The following COL3A1 variants were observed in gnomAD, a reference collection of about 807,000 sequenced individuals.
The protein encoded by COL3A1 is collagen type III alpha 1 chain.
A neutral mutation model predicts 200.9 loss-of-function variants in COL3A1; 46 were observed. That is an observed-to-expected ratio of 0.23 (90% CI 0.18 to 0.29). The LOEUF (loss-of-function observed/expected upper bound fraction) is 0.29, where lower values mean the gene tolerates loss of function less well. Ranked by LOEUF, COL3A1 falls within the 10% of genes least tolerant of loss-of-function variation. The pLI is 1.00. For synonymous variants in COL3A1, 650 were observed against 628.0 expected, an observed-to-expected ratio of 1.03 and a Z score of -0.52; for missense variants, 1,367 against 1,917.6, an observed-to-expected ratio of 0.71 and a Z score of 5.36.
chr2:188,990,277 CA>C lies in COL3A1; in HGVS notation c.745-29del, dbSNP rs777011083. ...TAGATTGTGATTCTATTTGAAGGTT[CA>C]TTAATATTTTTTCATTCATTATTTT... On this transcript the variant is annotated intron_variant, in intron 9 of 50. Transcript: ENST00000304636. The C allele has an allele frequency of 3.3e-5, 53 of 1,603,282 alleles. No homozygotes were observed. The African/African-American group carries it at 6.2e-4, about 19-fold the overall frequency.
chr2:188,975,045 G>T (rs1017152910), intron 1 of COL3A1, among the ~76,000 whole-genome samples: 2 of 152,062 alleles, frequency 1.3e-5, no homozygotes. Flanking sequence ...AAGATTCTAC[G>T]CATTATCAGA....
rs750374922 is a variant in COL3A1, at chr2:188,979,270, A to G, written c.79+4702A>G. ...CATTTCTCAAGTAAATTAAAATCAC[A>G]GAAATACTCTTTGGAGTTGCATAGC... On this transcript the variant is annotated intron_variant, in intron 1 of 50. Transcript: ENST00000304636. Among the ~76,000 whole-genome samples, 8 of 152,088 alleles carry G rather than the reference A, an allele frequency of 5.3e-5. No homozygotes were observed. The South Asian group carries it at 1.7e-3, about 31-fold the overall frequency.
intron 48 of COL3A1, 71 bp downstream of exon 48, chr2:189,009,292 C>T (rs926931607): frequency 2.6e-5 from 40 of 1,544,516 alleles, no homozygotes; most frequent in Admixed American, 3.6e-5. Context: ...AGAATGGGAA[C>T]GAAAAAACAT....
intron 48 of COL3A1, among the ~76,000 whole-genome samples, chr2:189,009,721 A>C (rs1688677718): frequency 6.6e-6 from 1 of 152,218 alleles, no homozygotes; most frequent in Non-Finnish European, 1.5e-5. Flanking sequence ...CAAGTTTTCA[A>C]ATATCTTGAC....
At chr2:189,008,464 G>C (rs1010497862) in intron 47 of COL3A1, 3 of 426,160 alleles carry the variant, frequency 7.0e-6, no homozygotes, top group African/African-American at 6.0e-5. Context: ...AATTATCTGC[G>C]TTTATGTAGT....
chr2:189,001,571 T>C lies in COL3A1; in HGVS notation c.2373T>C (p.Ala791=), dbSNP rs200452382. 1.9e-6 allele frequency: 3 copies of C among 1,614,114 alleles called. No individual in the cohort carries two copies. The highest frequency in any genetic ancestry group is 2.5e-6 in the Non-Finnish European group (3 of 1,180,004). The change falls in exon 34 of 51, where the codon GCT becomes GCC. Residue 791 remains alanine (A), a synonymous_variant. Transcript: ENST00000304636. ...GTGCCCCCGGACTTCCAGGTATAGC[T>C]GGACCTCGTGGTAGCCCTGTAAGTG... The part of the protein sequence containing the change: ...EGGAPGLPGI[A]GPRGSPGERG...
chr2:188,989,230 T>C (rs1369994810), intron 7 of COL3A1, among the ~76,000 whole-genome samples, 166 bp from the exon 8 acceptor site: 3 of 151,804 alleles, frequency 2.0e-5, no homozygotes, highest in Non-Finnish European at 2.9e-5. Flanking sequence ...AGTAAGTTGA[T>C]ATAATAGAGG....
intron 28 of COL3A1, 34 bp downstream of exon 28, chr2:188,998,353 C>G (rs1414745884): frequency 9.5e-6 from 15 of 1,573,676 alleles, no homozygotes; most frequent in African/African-American, 2.7e-5. Context: ...AACTCAGAAA[C>G]AAAAAGAATA....
intron 40 of COL3A1, 111 bp from the exon 41 acceptor site, chr2:189,005,239 A>G (rs555081123): frequency 7.0e-6 from 7 of 1,006,544 alleles, no homozygotes; most frequent in African/African-American, 6.5e-5. Flanking sequence ...TTAAAATTCA[A>G]TGAAGATTAA....
intron 6 of COL3A1, 41 bp from the exon 7 acceptor site, chr2:188,988,549 A>C: frequency 1.5e-6 from 2 of 1,361,254 alleles, no homozygotes; most frequent in Non-Finnish European, 2.1e-6. Context: ...TTATATGAAG[A>C]TTTTGTTACT....
intron 31 of COL3A1, 91 bp downstream of exon 31, chr2:188,999,668 T>C (rs1688411745): frequency 1.4e-6 from 2 of 1,451,226 alleles, no homozygotes; most frequent in Admixed American, 3.8e-5. Flanking sequence ...CGACTGTATT[T>C]TCAAAATTAA....
intron 4 of COL3A1, among the ~76,000 whole-genome samples, chr2:188,986,571 T>C (rs1688069356): frequency 6.6e-6 from 1 of 152,060 alleles, no homozygotes; most frequent in African/African-American, 2.4e-5. Context: ...TCTATGGAGA[T>C]GTTTATTTTT....
intron 41 of COL3A1, among the ~76,000 whole-genome samples, chr2:189,005,995 A>T (rs557232634): frequency 1.3e-5 from 2 of 152,184 alleles, no homozygotes; most frequent in East Asian, 3.9e-4. Context: ...TCATTTTTCT[A>T]ATCACCTCTC....
chr2:189,007,483 A>C lies in COL3A1; in HGVS notation c.3256-17A>C, dbSNP rs1265276719. 1 of 1,601,268 alleles carries C rather than the reference A, an allele frequency of 6.2e-7. No individual in the cohort carries two copies. Among genetic ancestry groups the C allele is most frequent in the African/African-American group, 1.3e-5 (1 of 74,508 alleles). On this transcript the variant is annotated splice_polypyrimidine_tract_variant and intron_variant, in intron 44 of 50. Transcript: ENST00000304636. Reference sequence around the variant, plus strand: ...GTATGTGTGTATATGACTTCAATTCAAAATATGTTTCTAAAGGGTCCTCAA... The same window carrying C: ...GTATGTGTGTATATGACTTCAATTCCAAATATGTTTCTAAAGGGTCCTCAA...
At chr2:188,987,999 T>C (rs113768611) in intron 5 of COL3A1, 82 bp from the exon 6 acceptor site, 41 of 1,032,738 alleles carry the variant, frequency 4.0e-5, no homozygotes, top group Non-Finnish European at 6.0e-5. Context: ...GTTTTAACAA[T>C]GCGAGTGTCA....
chr2:188,997,753 A>G lies in COL3A1; in HGVS notation c.1923A>G (p.Gln641=), dbSNP rs1366363295. 1 of 1,613,802 alleles carries G rather than the reference A, an allele frequency of 6.2e-7. No homozygotes were observed. Among genetic ancestry groups the G allele is most frequent in the South Asian group, 1.1e-5 (1 of 91,066 alleles). Residue 641 remains glutamine (Q), a splice_region_variant and synonymous_variant, in exon 27 of 51, where the codon CAA becomes CAG. Transcript: ENST00000304636. Reference sequence around the variant, plus strand: ...GACCCCCTGGTCCACAAGGATTACAAGTAAGAACTTGTTATTTAAATGTCA... The same window carrying G: ...GACCCCCTGGTCCACAAGGATTACAGGTAAGAACTTGTTATTTAAATGTCA... ...DTGPPGPQGL[Q]GLPGTGGPPG... is the part of the protein sequence containing the mutation.
intron 30 of COL3A1, 25 bp downstream of exon 30, chr2:188,999,408 C>T (rs1281136230): frequency 3.7e-6 from 6 of 1,613,712 alleles, no homozygotes; most frequent in Non-Finnish European, 5.1e-6. Flanking sequence ...TTCCATTCAC[C>T]TAGGTTTAAA....
Position 188,994,541 on chromosome 2 carries a change from G to A in COL3A1, c.1294G>A (p.Gly432Ser), listed in dbSNP as rs794728045. The A allele has an allele frequency of 6.2e-7, 1 of 1,613,954 alleles. No homozygotes were observed. The highest frequency in any genetic ancestry group is 8.5e-7 in the Non-Finnish European group (1 of 1,179,998). Residue 432 changes from glycine (G) to serine (S), a missense_variant and splice_region_variant, in exon 19 of 51, where the codon GGT becomes AGT. Gly to Ser is a moderately conservative substitution (Grantham distance 56, BLOSUM62 0). Coordinates refer to ENST00000304636, the MANE Select transcript of COL3A1 (RefSeq NM_000090.4). This position sits in a 1 kb window ranked among gnomAD's most constrained non-coding sequence, Gnocchi z 4.5. The stretch of plus-strand genomic sequence containing the variant: ...CAACCAAGACTTTGTTATACTTTAG[G>A]GTGAGCCTGGTAAGAATGGTGCCAA... ...NGAPGLRGGA[G>S]EPGKNGAKGE...
intron 47 of COL3A1, chr2:189,008,483 C>A (rs1274111035): frequency 1.7e-5 from 7 of 406,778 alleles, no homozygotes; most frequent in Non-Finnish European, 9.1e-6. Context: ...GTGCATTTTA[C>A]TTCTCAAACA....
Sources: allele counts gnomAD v4.1 joint callset (sites outside exome capture counted in the v4.1 genomes callset), GRCh38; gene constraint gnomAD v4.1.1; non-coding constraint Gnocchi (gnomAD v3.1); transcripts MANE v1.5; gene names NCBI Gene and HGNC (gene_info 2026-07-23, HGNC 2026-07-21).